The following TRIM33 variants were observed in gnomAD, a reference collection of about 807,000 sequenced individuals.
TRIM33 encodes tripartite motif containing 33.
TRIM33 carries 20 observed loss-of-function variants against 125.4 expected under a neutral mutation model. The observed-to-expected ratio is 0.16, with a 90% confidence interval of 0.11 to 0.23. The LOEUF (loss-of-function observed/expected upper bound fraction) is 0.23. Ranked by LOEUF, TRIM33 falls within the 10% of genes least tolerant of loss-of-function variation. The probability of loss-of-function intolerance (pLI) is 1.00; values close to 1 mark genes in which losing one functional copy is unlikely to be tolerated. For missense variants in TRIM33, 920 were observed against 1,411.4 expected, an observed-to-expected ratio of 0.65 and a Z score of 5.58; for synonymous variants, 564 against 513.9, an observed-to-expected ratio of 1.10 and a Z score of -1.32.
rs567643647 is a variant in TRIM33, at chr1:114,405,199, A to T, written c.2768+211T>A. On this transcript the variant is annotated intron_variant, in intron 15 of 19. Transcript: ENST00000358465. Reference sequence around the variant, plus strand: ...CTGAATATAAACTAAAGGCCAGGAGATGAAATCTACTCTTTAACATTAATG... The same window carrying T: ...CTGAATATAAACTAAAGGCCAGGAGTTGAAATCTACTCTTTAACATTAATG... The T allele has an allele frequency of 3.1e-5, 15 of 488,280 alleles. No individual in the cohort carries two copies. In the Admixed American group the frequency reaches 5.3e-4, roughly 17 times the overall value. 30.2% of individuals were successfully genotyped at this position (488,280 alleles called of 1,614,324 possible).
intron 4 of TRIM33, among the ~76,000 whole-genome samples, chr1:114,453,666 C>T (rs1450335070): frequency 1.3e-5 from 2 of 152,206 alleles, no homozygotes; most frequent in Non-Finnish European, 2.9e-5. Context: ...TCTGTGTCAA[C>T]AATCTGATTT....
At chr1:114,465,013 T>C (rs1429181570) in intron 1 of TRIM33, among the ~76,000 whole-genome samples, 1 of 152,228 alleles carries the variant, frequency 6.6e-6, no homozygotes, top group Non-Finnish European at 1.5e-5. Flanking sequence ...TTCAAACTGC[T>C]GGCCTCCATA....
At chr1:114,500,346 A>G (rs1255689485) in intron 1 of TRIM33, among the ~76,000 whole-genome samples, 1 of 152,046 alleles carries the variant, frequency 6.6e-6, no homozygotes. Context: ...TTTTAAAGAG[A>G]TGGCGGCGTC....
intron 1 of TRIM33, among the ~76,000 whole-genome samples, chr1:114,493,031 A>G (rs1652161511): frequency 6.6e-6 from 1 of 152,140 alleles, no homozygotes; most frequent in South Asian, 2.1e-4. Flanking sequence ...CACCAGCAAT[A>G]TAGGACTCTA....
intron 4 of TRIM33, among the ~76,000 whole-genome samples, chr1:114,441,661 T>TG (rs1648661652): frequency 6.6e-6 from 1 of 152,224 alleles, no homozygotes; most frequent in Non-Finnish European, 1.5e-5. Flanking sequence ...TTGGTTTTAT[T>TG]CTTTGCAATA....
At chr1:114,438,582 G>T (rs1442721810) in intron 4 of TRIM33, among the ~76,000 whole-genome samples, 1 of 152,158 alleles carries the variant, frequency 6.6e-6, no homozygotes, top group Non-Finnish European at 1.5e-5. Flanking sequence ...ATCTTAACAT[G>T]CATTCTCTCA....
Position 114,510,859 on chromosome 1 carries a change from C to A in TRIM33, c.218G>T (p.Gly73Val). 1 of 1,471,040 alleles carries A rather than the reference C, an allele frequency of 6.8e-7. No individual in the cohort carries two copies. Among genetic ancestry groups the A allele is most frequent in the Non-Finnish European group, 8.9e-7 (1 of 1,118,044 alleles). 91.1% of individuals were successfully genotyped at this position (1,471,040 alleles called of 1,614,324 possible). Residue 73 changes from glycine (G) to valine (V), a missense_variant, in exon 1 of 20, where the codon GGC (glycine) becomes GTC (valine). Physicochemically the swap from Gly to Val is moderately radical, Grantham distance 109. Around this residue, in one of 8 missense-constraint regions of TRIM33, gnomAD observed 233 missense variants for 189.6 expected, o/e 1.23. Coordinates refer to ENST00000358465, the MANE Select transcript of TRIM33 (RefSeq NM_015906.4). Reference protein sequence around the residue: ...DDGGVAAASSGSAQAASSPAA... With the variant: ...DDGGVAAASSVSAQAASSPAA... ...AGGAGATGAAGCAGCCTGGGCCGAGCCCGAGGAGGCCGCGGCCACCCCCCC... is the reference window on the plus strand; with the variant it reads ...AGGAGATGAAGCAGCCTGGGCCGAGACCGAGGAGGCCGCGGCCACCCCCCC...
At chr1:114,435,104 C>T (rs144610247) in intron 4 of TRIM33, among the ~76,000 whole-genome samples, 100 of 152,252 alleles carry the variant, frequency 6.6e-4, no homozygotes, top group African/African-American at 2.3e-3. Flanking sequence ...AATGGAAAAC[C>T]TCTGAAGAAT....
At chr1:114,489,813 C>G (rs1411152960) in intron 1 of TRIM33, among the ~76,000 whole-genome samples, 1 of 151,766 alleles carries the variant, frequency 6.6e-6, no homozygotes, top group African/African-American at 2.4e-5. Context: ...AGCCAATGAA[C>G]ACACTTAACA....
intron 1 of TRIM33, among the ~76,000 whole-genome samples, chr1:114,479,401 C>A (rs576239230): frequency 8.5e-5 from 13 of 152,202 alleles, no homozygotes; most frequent in Non-Finnish European, 1.8e-4. Context: ...AAAAATAATT[C>A]ATCAAGGAAA....
At chr1:114,505,815 G>C (rs140965147) in intron 1 of TRIM33, among the ~76,000 whole-genome samples, 3 of 151,978 alleles carry the variant, frequency 2.0e-5, no homozygotes, top group African/African-American at 2.4e-5. Flanking sequence ...CGATCTGCCC[G>C]CCTCGGCCTC....
chr1:114,455,708 C>T (rs1649575160), intron 4 of TRIM33, among the ~76,000 whole-genome samples: 1 of 152,082 alleles, frequency 6.6e-6, no homozygotes, highest in African/African-American at 2.4e-5. Flanking sequence ...CTGGATAAAC[C>T]AATGAGAGCC....
At chr1:114,456,563 G>T (rs191689447) in intron 4 of TRIM33, among the ~76,000 whole-genome samples, 1 of 152,166 alleles carries the variant, frequency 6.6e-6, no homozygotes. Flanking sequence ...CAGTACTCAG[G>T]GACTAATCTT....
chr1:114,444,029 CA>C (rs1303048184), intron 4 of TRIM33, among the ~76,000 whole-genome samples: 1 of 152,142 alleles, frequency 6.6e-6, no homozygotes, highest in Non-Finnish European at 1.5e-5. Flanking sequence ...CACATGCAGA[CA>C]AAAATTTACA....
At chr1:114,482,236 TA>T (rs1229243005) in intron 1 of TRIM33, among the ~76,000 whole-genome samples, 1 of 152,038 alleles carries the variant, frequency 6.6e-6, no homozygotes, top group African/African-American at 2.4e-5. Flanking sequence ...ACCATGAACT[TA>T]GAGAGAAATG....
chr1:114,486,941 G>A (rs1230084483), intron 1 of TRIM33, among the ~76,000 whole-genome samples: 3 of 151,908 alleles, frequency 2.0e-5, no homozygotes, highest in African/African-American at 7.3e-5. Flanking sequence ...ACAAAAATTA[G>A]CCAGGTATGG....
At position 114,500,973 on chromosome 1, in the gene TRIM33, G is replaced by T. The variant is rs533858806; in HGVS notation, c.526+9578C>A. ...TGGGAGGCCGAGGCGGGCGGATCAC[G>T]AGGTCAGGAGATCGAGACCATCCCG... On this transcript the variant is annotated intron_variant, in intron 1 of 19. Transcript: ENST00000358465. Among the ~76,000 whole-genome samples the T allele has an allele frequency of 5.9e-4, 75 of 127,244 alleles. 15 individuals are homozygous for T. Among genetic ancestry groups the T allele is most frequent in the Admixed American group, 1.5e-3 (20 of 13,602 alleles). The allele number at this position is 127,244 out of a possible 152,430, so 83.5% of individuals were successfully genotyped here. A position where few individuals can be genotyped will look rare whatever the true frequency, so the allele number is the denominator to read the frequency against.
intron 4 of TRIM33, among the ~76,000 whole-genome samples, chr1:114,453,306 G>A (rs1649429714): frequency 1.3e-5 from 2 of 150,460 alleles, no homozygotes; most frequent in Admixed American, 1.3e-4. Context: ...AGAGGTTGCA[G>A]TGAGCCGAGA....
rs1256651610 is a variant in TRIM33 at position 114,511,188 on chromosome 1, A to G, written c.-112T>C. 2.0e-6 allele frequency: 2 copies of G among 982,478 alleles called. No individual in the cohort carries two copies. Among genetic ancestry groups the G allele is most frequent in the Non-Finnish European group, 2.5e-6 (2 of 814,940 alleles). 60.9% of individuals were successfully genotyped at this position (982,478 alleles called of 1,614,324 possible). On this transcript the variant is annotated 5_prime_UTR_variant, in exon 1 of 20. Transcript: ENST00000358465. ...GCAGCAAGAGCGGCAGCCGAGAGCT[A>G]GCGAGAGAGCGAACCAACGAGAGCG...
Sources: allele counts gnomAD v4.1 joint callset (sites outside exome capture counted in the v4.1 genomes callset), GRCh38; gene constraint gnomAD v4.1.1; regional missense constraint gnomAD v4.1.1; transcripts MANE v1.5; gene names NCBI Gene and HGNC (gene_info 2026-07-23, HGNC 2026-07-21).